The following RP2 variants were observed in gnomAD, a reference collection of about 807,000 sequenced individuals.
RP2 encodes RP2 activator of ARL3 GTPase, also known as protein XRP2.
RP2 carries 3 observed loss-of-function variants against 20.3 expected under a neutral mutation model. That is an observed-to-expected ratio of 0.15 (90% CI 0.07 to 0.38). RP2 has a LOEUF of 0.38. Among genes scored for constraint, RP2 ranks in the 10% least tolerant of loss-of-function variants. The pLI is 1.00. For synonymous variants in RP2, 75 were observed against 94.8 expected (o/e 0.79, Z 1.22); for missense variants, 233 against 268.5 (o/e 0.87, Z 0.92).
chrX:46,853,310 G>A (rs1556318471), intron 1 of RP2, among the ~76,000 whole-genome samples, 166 bp from the exon 2 acceptor site: 1 of 111,725 alleles, frequency 9.0e-6, no homozygotes. Context: ...TATTATTATT[G>A]AGAGAAACAA....
chrX:46,859,949 A>G, intron 2 of RP2, 39 bp from the exon 3 acceptor site: 1 of 950,568 alleles, frequency 1.1e-6, no homozygotes, highest in Non-Finnish European at 1.5e-6. Flanking sequence ...TAGTCTCAGA[A>G]GTTCATTTTA....
intron 3 of RP2, among the ~76,000 whole-genome samples, chrX:46,862,435 C>A (rs782440533): frequency 1.9e-5 from 2 of 107,576 alleles, no homozygotes; most frequent in South Asian, 8.1e-4. Flanking sequence ...CCAAGGCGGG[C>A]AGATCACAAG....
At chrX:46,863,726 T>C (rs1925117419) in intron 3 of RP2, among the ~76,000 whole-genome samples, 1 of 111,658 alleles carries the variant, frequency 9.0e-6, no homozygotes, top group South Asian at 3.7e-4. Context: ...CAACGAAAAA[T>C]GTTTCCAGAT....
intron 3 of RP2, among the ~76,000 whole-genome samples, chrX:46,873,928 C>T (rs992019257): frequency 3.7e-5 from 4 of 107,461 alleles, no homozygotes; most frequent in African/African-American, 1.4e-4. Context: ...TGAAGCAGGC[C>T]TCCATCCTCC....
intron 3 of RP2, among the ~76,000 whole-genome samples, chrX:46,875,715 T>C (rs1253546924): frequency 8.9e-6 from 1 of 111,764 alleles, no homozygotes; most frequent in East Asian, 2.8e-4. Context: ...AGAACCCCAC[T>C]GGCCTTTGAT....
chrX:46,870,859 G>A (rs1925278234), intron 3 of RP2, among the ~76,000 whole-genome samples: 1 of 111,110 alleles, frequency 9.0e-6, no homozygotes, highest in African/African-American at 3.3e-5. Flanking sequence ...GACTATATCT[G>A]TTATTTAATG....
intron 3 of RP2, 99 bp downstream of exon 3, chrX:46,860,201 T>C (rs1925039407): frequency 2.3e-5 from 13 of 570,185 alleles, no homozygotes; most frequent in Non-Finnish European, 3.9e-5. Context: ...TGCCTTCTCT[T>C]TCTCATTTGT....
chrX:46,865,195 C>T (rs1925149378), intron 3 of RP2, among the ~76,000 whole-genome samples: 1 of 112,027 alleles, frequency 8.9e-6, no homozygotes, highest in Non-Finnish European at 1.9e-5. Context: ...CAACTTATGT[C>T]CTTTTTCAGT....
At chrX:46,875,273 G>T (rs1435783576) in intron 3 of RP2, among the ~76,000 whole-genome samples, 2 of 105,809 alleles carry the variant, frequency 1.9e-5, no homozygotes, top group Non-Finnish European at 3.9e-5. Context: ...GTTGCAAAAT[G>T]ACTGTTTTCT....
intron 3 of RP2, among the ~76,000 whole-genome samples, chrX:46,864,728 C>T (rs1925140135): frequency 8.9e-6 from 1 of 111,856 alleles, no homozygotes; most frequent in African/African-American, 3.2e-5. Flanking sequence ...AAATTTTCTA[C>T]TCCCACCCCA....
In RP2 at chrX:46,880,616, T is replaced by G. The variant is rs1156979236; in HGVS notation, c.*847T>G. 8.9e-6 allele frequency: 1 copy of G among 111,888 alleles called. No individual in the cohort carries two copies. Among genetic ancestry groups the G allele is most frequent in the African/African-American group, 3.2e-5 (1 of 30,832 alleles). 9.2% of individuals were successfully genotyped at this position (111,888 alleles called of 1,213,427 possible). On this transcript the variant is annotated 3_prime_UTR_variant, in exon 5 of 5. Coordinates refer to ENST00000218340, the MANE Select transcript of RP2 (RefSeq NM_006915.3). ...AGAATTGGAACAAAACCTTGTGACT[T>G]TTAGGTAAGAAATAGGCATGATGAT...
At chrX:46,856,013 G>A (rs1924953526) in intron 2 of RP2, among the ~76,000 whole-genome samples, 1 of 111,447 alleles carries the variant, frequency 9.0e-6, no homozygotes, top group South Asian at 3.7e-4. Flanking sequence ...ATGCCTATGT[G>A]ATAAAAACAT....
intron 1 of RP2, among the ~76,000 whole-genome samples, chrX:46,847,744 ATGTG>A (rs1300579798): frequency 3.7e-5 from 3 of 81,529 alleles, no homozygotes; most frequent in Non-Finnish European, 7.1e-5. Flanking sequence ...ATACACACAT[ATGTG>A]TGTGTGTATA....
At chrX:46,857,424 G>A (rs1211310627) in intron 2 of RP2, among the ~76,000 whole-genome samples, 4 of 111,422 alleles carry the variant, frequency 3.6e-5, no homozygotes, top group African/African-American at 1.3e-4. Flanking sequence ...GCCAGGCGTG[G>A]TGGTGGGTGC....
intron 1 of RP2, among the ~76,000 whole-genome samples, chrX:46,843,005 CTTTTTTTT>C (rs60442392): frequency 3.3e-5 from 3 of 91,040 alleles, no homozygotes; most frequent in African/African-American, 1.2e-4. Flanking sequence ...CTATGTTTAA[CTTTTTTTT>C]TTTTTTTTTT....
At chrX:46,864,272 G>A (rs1309142588) in intron 3 of RP2, among the ~76,000 whole-genome samples, 3 of 111,362 alleles carry the variant, frequency 2.7e-5, no homozygotes, top group African/African-American at 6.5e-5. Context: ...CACTGCACTC[G>A]AGCTTGGGCA....
chrX:46,872,679 C>G (rs1242672956), intron 3 of RP2, among the ~76,000 whole-genome samples: 2 of 111,591 alleles, frequency 1.8e-5, no homozygotes, highest in African/African-American at 6.5e-5. Flanking sequence ...CTATAAACAC[C>G]TAATACGTTG....
At chrX:46,873,266 A>G (rs1925321662) in intron 3 of RP2, among the ~76,000 whole-genome samples, 1 of 111,377 alleles carries the variant, frequency 9.0e-6, no homozygotes, top group East Asian at 2.8e-4. Flanking sequence ...TCACTAGATA[A>G]GACATCCAGA....
At chrX:46,856,648 C>T (rs976151462) in intron 2 of RP2, among the ~76,000 whole-genome samples, 24 of 111,529 alleles carry the variant, frequency 2.2e-4, no homozygotes, top group Non-Finnish European at 5.6e-5. Context: ...GTAGGCCACA[C>T]CTTAACCCTT....
Sources: allele counts gnomAD v4.1 joint callset (sites outside exome capture counted in the v4.1 genomes callset), GRCh38; gene constraint gnomAD v4.1.1; transcripts MANE v1.5; gene names NCBI Gene and HGNC (gene_info 2026-07-23, HGNC 2026-07-21).